Variants in FAM169A observed in about 807,000 individuals in gnomAD.
FAM169A encodes the protein soluble lamin-associated protein of 75 kDa.
FAM169A carries 24 observed loss-of-function variants against 75.7 expected under a neutral mutation model. The observed-to-expected ratio is 0.32, with a 90% CI of 0.23 to 0.45. FAM169A has a LOEUF of 0.45. Ranked by LOEUF, FAM169A falls within the 20% of genes least tolerant of loss-of-function variation. The pLI is 1.00. For synonymous variants in FAM169A, 271 were observed against 271.0 expected (o/e 1.00, Z 0.00); for missense variants, 673 against 784.0 (o/e 0.86, Z 1.69).
In FAM169A at chr5:74,804,567, C is replaced by G; in HGVS notation, c.838G>C (p.Glu280Gln). ...QNEPKRPMSG[E>Q]YGPASVPEYE... ...TCTGGAACAGATGCAGGACCATATT[C>G]TCCAGACATAGGTCTTTTAGGTTCA... The change falls in exon 8 of 13, where the codon GAA becomes CAA. Residue 280 changes from glutamate to glutamine, a missense_variant. By Grantham distance (29) the Glu-to-Gln change is conservative. Coordinates refer to ENST00000687041, the MANE Select transcript of FAM169A (RefSeq NM_001376049.1). 1 of 1,611,922 alleles carries G rather than the reference C, an allele frequency of 6.2e-7. No homozygotes were observed. Among genetic ancestry groups the G allele is most frequent in the Non-Finnish European group, 8.5e-7 (1 of 1,178,572 alleles).
intron 11 of FAM169A, among the ~76,000 whole-genome samples, chr5:74,783,591 G>A (rs1745522673): frequency 6.6e-6 from 1 of 152,188 alleles, no homozygotes; most frequent in African/African-American, 2.4e-5. Flanking sequence ...TGTGCCAGAG[G>A]TAGGAAGCAC....
chr5:74,834,513 G>T lies in FAM169A; in HGVS notation c.403C>A (p.Pro135Thr). 6.2e-7 allele frequency: 1 copy of T among 1,602,442 alleles called. No homozygotes were observed. The highest frequency in any genetic ancestry group is 8.5e-7 in the Non-Finnish European group (1 of 1,174,572). ...RKQEMERNEI[P>T]FLCHSSTDYA... ...TCAGTACTGCTATGACACAGGAATG[G>T]GATCTCATTTCTCTCCATTTCCTGT... Residue 135 changes from proline (P) to threonine (T), a missense_variant, in exon 5 of 13, where the codon CCA becomes ACA. This residue lies in a region of FAM169A where 107 missense variants were observed against 180.8 expected (regional missense o/e 0.59). Coordinates refer to ENST00000687041, the MANE Select transcript of FAM169A (RefSeq NM_001376049.1).
intron 1 of FAM169A, among the ~76,000 whole-genome samples, chr5:74,862,722 C>G (rs1011576722): frequency 6.6e-6 from 1 of 152,170 alleles, no homozygotes; most frequent in Non-Finnish European, 1.5e-5. Context: ...TAATTCTATA[C>G]CTGAGAAGTT....
rs1746721649 is a variant in FAM169A, at chr5:74,803,988, G to A, written c.912+505C>T. Among the ~76,000 whole-genome samples the A allele has an allele frequency of 3.3e-5, 5 of 152,168 alleles. No homozygotes were observed. In the South Asian group the frequency reaches 8.3e-4, roughly 25 times the overall value. ...ATCCTATGTTAAGGAAACAAATAAT[G>A]ATAGTTACATAAAATAGATAATAGA... On this transcript the variant is annotated intron_variant, in intron 8 of 12. Transcript: ENST00000687041.
chr5:74,850,552 T>C (rs1027461603), intron 1 of FAM169A, among the ~76,000 whole-genome samples: 2 of 152,156 alleles, frequency 1.3e-5, no homozygotes, highest in Non-Finnish European at 2.9e-5. Flanking sequence ...AAATACTGGT[T>C]AAGGGAGTGT....
chr5:74,843,626 A>G (rs1408016736), intron 1 of FAM169A, among the ~76,000 whole-genome samples: 2 of 152,186 alleles, frequency 1.3e-5, no homozygotes, highest in African/African-American at 4.8e-5. Flanking sequence ...TAAATGAGAC[A>G]TTAATTTTGC....
chr5:74,800,749 T>C (rs1426229493), intron 10 of FAM169A, 131 bp downstream of exon 10: 1 of 304,380 alleles, frequency 3.3e-6, no homozygotes, highest in Non-Finnish European at 5.3e-6. Flanking sequence ...ATTAAAAGTA[T>C]ACCAAAAGTA....
chr5:74,799,216 A>T (rs1746438409), intron 10 of FAM169A: 1 of 1,337,898 alleles, frequency 7.5e-7, no homozygotes, highest in Non-Finnish European at 1.1e-6. Flanking sequence ...GGCAGACCAC[A>T]ATGCCTATGT....
chr5:74,864,126 T>C (rs1531103), intron 1 of FAM169A, among the ~76,000 whole-genome samples: 16,195 of 152,260 alleles, frequency 0.11, 991 homozygotes, highest in Admixed American at 0.17. Context: ...TGGGAGAGTC[T>C]TCAACAAAAC....
chr5:74,841,779 A>G (rs1748879902), intron 1 of FAM169A, 100 bp from the exon 2 acceptor site: 2 of 1,091,644 alleles, frequency 1.8e-6, no homozygotes, highest in South Asian at 1.9e-5. Context: ...ATATTTTGTT[A>G]TAACAAGATT....
intron 1 of FAM169A, among the ~76,000 whole-genome samples, chr5:74,842,144 G>A (rs60492282): frequency 6.6e-6 from 1 of 150,886 alleles, no homozygotes; most frequent in Admixed American, 6.6e-5. Context: ...AAATCACTGC[G>A]GGCACAGTGG....
intron 1 of FAM169A, among the ~76,000 whole-genome samples, chr5:74,851,026 G>A (rs1436981173): frequency 6.6e-6 from 1 of 151,042 alleles, no homozygotes; most frequent in African/African-American, 2.5e-5. Flanking sequence ...AACAATCCTC[G>A]TACATCAGCC....
At chr5:74,800,579 C>G (rs751382024) in intron 10 of FAM169A, among the ~76,000 whole-genome samples, 18 of 152,022 alleles carry the variant, frequency 1.2e-4, no homozygotes, top group South Asian at 4.1e-4. Flanking sequence ...ATAGCATTGT[C>G]AAGGCAACAC....
intron 10 of FAM169A, chr5:74,799,350 C>G: frequency 1.9e-6 from 3 of 1,610,250 alleles, no homozygotes; most frequent in Non-Finnish European, 1.7e-6. Flanking sequence ...AAGCACGACT[C>G]ATTTCAGTTT....
intron 2 of FAM169A, among the ~76,000 whole-genome samples, chr5:74,840,730 A>G (rs1044403990): frequency 2.6e-5 from 4 of 151,716 alleles, no homozygotes; most frequent in Admixed American, 6.6e-5. Context: ...TCGGGAGGCT[A>G]AGGCAGGAGA....
chr5:74,834,345 A>G (rs1293759866), intron 5 of FAM169A, 81 bp downstream of exon 5: 1 of 790,446 alleles, frequency 1.3e-6, no homozygotes, highest in African/African-American at 1.8e-5. Flanking sequence ...AGATTAATTT[A>G]ACAGAGATAT....
At chr5:74,825,561 C>A (rs1747978393) in intron 5 of FAM169A, among the ~76,000 whole-genome samples, 1 of 152,036 alleles carries the variant, frequency 6.6e-6, no homozygotes, top group Non-Finnish European at 1.5e-5. Context: ...TTTTCTTTAT[C>A]TTAGGAGAGC....
Position 74,778,291 on chromosome 5 carries a change from T to G in FAM169A, c.*3169A>C, listed in dbSNP as rs1002290871. On this transcript the variant is annotated 3_prime_UTR_variant, in exon 13 of 13. Transcript: ENST00000687041. ...AGATGAGTAATATTAGTATAAATTT[T>G]TTATGTACATTAAGATCTGTTTCAG... 6.6e-6 allele frequency: 1 copy of G among 152,072 alleles called. No homozygotes were observed. Among genetic ancestry groups the G allele is most frequent in the African/African-American group, 2.4e-5 (1 of 41,450 alleles). 9.4% of individuals were successfully genotyped at this position (152,072 alleles called of 1,614,324 possible).
chr5:74,814,526 T>C (rs1002798409), intron 5 of FAM169A, among the ~76,000 whole-genome samples: 1 of 152,190 alleles, frequency 6.6e-6, no homozygotes, highest in African/African-American at 2.4e-5. Context: ...ATCTACTTGA[T>C]GATAGTAAAG....
Sources: allele counts gnomAD v4.1 joint callset (sites outside exome capture counted in the v4.1 genomes callset), GRCh38; gene constraint gnomAD v4.1.1; regional missense constraint gnomAD v4.1.1; transcripts MANE v1.5; gene names NCBI Gene and HGNC (gene_info 2026-07-23, HGNC 2026-07-21).